Variants in JARID2 observed in about 807,000 individuals in gnomAD.
JARID2 encodes jumonji and AT-rich interaction domain containing 2.
In JARID2, 21 loss-of-function variants were observed where a neutral mutation model predicts 125.6. That is an observed-to-expected ratio of 0.17 (90% CI 0.12 to 0.24). The LOEUF (loss-of-function observed/expected upper bound fraction) is 0.24, where lower values mean the gene tolerates loss of function less well. JARID2 is among the 10% of genes least tolerant of loss of function. The probability of loss-of-function intolerance (pLI) is 1.00; values close to 1 mark genes in which losing one functional copy is unlikely to be tolerated. For missense variants in JARID2, 1,303 were observed against 1,639.6 expected, an observed-to-expected ratio of 0.79 and a Z score of 3.55; for synonymous variants, 736 against 661.6, an observed-to-expected ratio of 1.11 and a Z score of -1.73.
At position 15,305,950 on chromosome 6, in the gene JARID2, T is replaced by C. The variant is rs187701815; in HGVS notation, c.45+59366T>C. ...CTGAACTTTTGTAAGGAAATAGTTT[T>C]CTACTATTCATCTGTGGTTTTGGTT... On this transcript the variant is annotated intron_variant, in intron 1 of 17. Coordinates refer to ENST00000341776, the MANE Select transcript of JARID2 (RefSeq NM_004973.4). Among the ~76,000 whole-genome samples, 7 of 152,362 alleles carry C rather than the reference T, an allele frequency of 4.6e-5. No homozygotes were observed. The East Asian group carries it at 1.3e-3, about 29-fold the overall frequency.
chr6:15,512,309 A>G lies in JARID2; in HGVS notation c.3054A>G (p.Lys1018=). ...GCTTCCCGGGATCCTTTGTGTCCAA[A>G]GTGTGCTGTGGGTACAGCGTGTCTG... ...VVCFPGSFVS[K]VCCGYSVSET... is the part of the protein sequence containing the mutation. The change falls in exon 14 of 18, where the codon AAA becomes AAG. Residue 1018 remains lysine (K), a synonymous_variant. Coordinates refer to ENST00000341776, the MANE Select transcript of JARID2 (RefSeq NM_004973.4). The G allele has an allele frequency of 6.2e-7, 1 of 1,614,092 alleles. No homozygotes were observed. Among genetic ancestry groups the G allele is most frequent in the Non-Finnish European group, 8.5e-7 (1 of 1,180,022 alleles).
intron 1 of JARID2, among the ~76,000 whole-genome samples, chr6:15,302,326 G>A (rs912411672): frequency 6.6e-5 from 10 of 152,114 alleles, no homozygotes; most frequent in African/African-American, 2.2e-4. Context: ...TGAGACAGGA[G>A]AATCGCCTGA....
At chr6:15,318,971 G>T (rs988018746) in intron 1 of JARID2, among the ~76,000 whole-genome samples, 1 of 152,176 alleles carries the variant, frequency 6.6e-6, no homozygotes, top group Non-Finnish European at 1.5e-5. Context: ...CTTTACTGTG[G>T]CTGGCTTTAT....
At chr6:15,339,079 C>G (rs1454774043) in intron 1 of JARID2, among the ~76,000 whole-genome samples, 1 of 152,086 alleles carries the variant, frequency 6.6e-6, no homozygotes, top group African/African-American at 2.4e-5. Context: ...ACTGGAAGAG[C>G]AGTACTAATG....
intron 1 of JARID2, among the ~76,000 whole-genome samples, chr6:15,360,067 C>G (rs945975548): frequency 6.6e-6 from 1 of 152,150 alleles, no homozygotes; most frequent in Non-Finnish European, 1.5e-5. Context: ...CTTGTGATGT[C>G]AAATGTAGAT....
intron 1 of JARID2, among the ~76,000 whole-genome samples, chr6:15,290,562 G>A (rs1201287969): frequency 1.3e-5 from 2 of 152,116 alleles, no homozygotes; most frequent in Non-Finnish European, 2.9e-5. Context: ...CAGTTTGTAG[G>A]GTTAGTATTT....
intron 13 of JARID2, among the ~76,000 whole-genome samples, chr6:15,511,723 T>C (rs1771288628): frequency 6.6e-6 from 1 of 152,180 alleles, no homozygotes; most frequent in Non-Finnish European, 1.5e-5. Context: ...CTTCTTCACC[T>C]GTTTTCAGGA....
chr6:15,430,377 G>A (rs11760101), intron 3 of JARID2, among the ~76,000 whole-genome samples: 4,289 of 152,264 alleles, frequency 0.028, 94 homozygotes, highest in Non-Finnish European at 0.041. Flanking sequence ...TATACAAAAT[G>A]TGGGAAGAAG....
At position 15,520,590 on chromosome 6, in the gene JARID2, CTT is replaced by C. The variant is rs1237632059; in HGVS notation, c.*343_*344del. ...TTTGTAACTGTTGGGGGGAAAAAGG[CTT>C]TTTAACCCATTTTTGAAGAGGGTGA... is the stretch of plus-strand genomic sequence containing the variant. On this transcript the variant is annotated 3_prime_UTR_variant, in exon 18 of 18. Coordinates refer to ENST00000341776, the MANE Select transcript of JARID2 (RefSeq NM_004973.4). 4.0e-6 allele frequency: 1 copy of C among 248,538 alleles called. No individual in the cohort carries two copies. Among genetic ancestry groups the C allele is most frequent in the Non-Finnish European group, 8.0e-6 (1 of 124,710 alleles). 15.4% of individuals were successfully genotyped at this position (248,538 alleles called of 1,614,324 possible). A position where few individuals can be genotyped will look rare whatever the true frequency, so the allele number is the denominator to read the frequency against.
At chr6:15,418,679 C>T (rs1411348968) in intron 3 of JARID2, among the ~76,000 whole-genome samples, 3 of 151,854 alleles carry the variant, frequency 2.0e-5, no homozygotes, top group East Asian at 1.9e-4. Context: ...GTTAGGCTTT[C>T]GATCCAATAG....
chr6:15,312,475 A>G (rs1762047548), intron 1 of JARID2, among the ~76,000 whole-genome samples: 1 of 152,178 alleles, frequency 6.6e-6, no homozygotes, highest in Non-Finnish European at 1.5e-5. Context: ...TCCCATCAAT[A>G]TATGCACCTC....
At chr6:15,285,542 A>T (rs1421254136) in intron 1 of JARID2, among the ~76,000 whole-genome samples, 1 of 152,158 alleles carries the variant, frequency 6.6e-6, no homozygotes, top group African/African-American at 2.4e-5. Context: ...TGACTTAAAA[A>T]TGACAAATAA....
At chr6:15,413,000 G>GTTTTTTTTTTTTT (rs1561845196) in intron 3 of JARID2, among the ~76,000 whole-genome samples, 2 of 65,028 alleles carry the variant, frequency 3.1e-5, no homozygotes, top group African/African-American at 1.2e-4. Context: ...GGAAGAGCTT[G>GTTTTTTTTTTTTT]TGTTTTTGTT....
chr6:15,392,792 C>A (rs996148726), intron 2 of JARID2, among the ~76,000 whole-genome samples: 1 of 147,250 alleles, frequency 6.8e-6, no homozygotes, highest in Admixed American at 7.0e-5. Context: ...TCAAGTAATT[C>A]TCATGCCTCA....
At chr6:15,449,233 T>A (rs773380764) in intron 3 of JARID2, among the ~76,000 whole-genome samples, 2 of 152,182 alleles carry the variant, frequency 1.3e-5, no homozygotes, top group Non-Finnish European at 2.9e-5. Context: ...CATTGCCTGA[T>A]CCCACCCTCC....
At position 15,362,967 on chromosome 6, in the gene JARID2, TGTGGAGAGGGTTGTG is replaced by T. The variant is rs368416161; in HGVS notation, c.46-11145_46-11131del. Among the ~76,000 whole-genome samples the T allele has an allele frequency of 1.6e-3, 236 of 151,968 alleles. 3 individuals carry two copies. The highest frequency in any genetic ancestry group is 5.3e-3 in the African/African-American group (220 of 41,452). ...TAGACCAGAGTAGCCAGGAAGGTGGTGTGGAGAGGGTTGTGGTGGGGAGGGAGGAGATTGTCAAGA... is the reference window on the plus strand; with the variant it reads ...TAGACCAGAGTAGCCAGGAAGGTGGTGTGGGGAGGGAGGAGATTGTCAAGA... On this transcript the variant is annotated intron_variant, in intron 1 of 17. Coordinates refer to ENST00000341776, the MANE Select transcript of JARID2 (RefSeq NM_004973.4).
intron 17 of JARID2, among the ~76,000 whole-genome samples, chr6:15,519,225 G>A (rs1581678958): frequency 6.6e-6 from 1 of 152,152 alleles, no homozygotes; most frequent in South Asian, 2.1e-4. Context: ...TGGGTTTTAT[G>A]GCAGCTCATC....
chr6:15,463,394 G>A (rs1768548020), intron 4 of JARID2, among the ~76,000 whole-genome samples: 1 of 150,976 alleles, frequency 6.6e-6, no homozygotes, highest in South Asian at 2.1e-4. Context: ...CCCTGAGAAC[G>A]CAAGGTCATG....
intron 7 of JARID2, among the ~76,000 whole-genome samples, chr6:15,500,465 T>G: frequency 6.6e-6 from 1 of 152,266 alleles, no homozygotes; most frequent in East Asian, 1.9e-4. Flanking sequence ...AAAGCTATTC[T>G]AGGTGACGCT....
Sources: allele counts gnomAD v4.1 joint callset (sites outside exome capture counted in the v4.1 genomes callset), GRCh38; gene constraint gnomAD v4.1.1; transcripts MANE v1.5; gene names NCBI Gene and HGNC (gene_info 2026-07-23, HGNC 2026-07-21).